SEPTIN9: variants seen among roughly 807,000 people sequenced by gnomAD.
SEPTIN9 encodes the protein septin 9, also known as septin-9.
SEPTIN9 carries 13 observed loss-of-function variants against 56.6 expected under a neutral mutation model. That is an observed-to-expected ratio of 0.23 (90% CI 0.15 to 0.37). The LOEUF (loss-of-function observed/expected upper bound fraction) is 0.37. Ranked by LOEUF, SEPTIN9 falls within the 10% of genes least tolerant of loss-of-function variation. The pLI, the probability that SEPTIN9 is intolerant of heterozygous loss-of-function variation, is 1.00. For synonymous variants in SEPTIN9, 332 were observed against 334.1 expected (o/e 0.99, Z 0.07); for missense variants, 650 against 823.1 (o/e 0.79, Z 2.57).
In SEPTIN9 at chr17:77,313,809, C is replaced by T. The variant is rs1299034506; in HGVS notation, c.76+6612C>T. 6.6e-6 allele frequency among the ~76,000 whole-genome samples: 1 copy of T among 152,024 alleles called. No homozygotes were observed. The highest frequency in any genetic ancestry group is 1.9e-4 in the East Asian group (1 of 5,186). On this transcript the variant is annotated intron_variant, in intron 2 of 11. Coordinates refer to ENST00000427177, the MANE Select transcript of SEPTIN9 (RefSeq NM_001113491.2). This position sits in a 1 kb window ranked among gnomAD's most constrained non-coding sequence, Gnocchi z 4.5. The stretch of plus-strand genomic sequence containing the variant: ...GCAGTGGCACAATTATAGCTCACTG[C>T]AGCCTCAACCTGCCAGGCTCAAGGG...
At chr17:77,474,822 T>C (rs77558513) in intron 3 of SEPTIN9, among the ~76,000 whole-genome samples, 2,753 of 152,278 alleles carry the variant, frequency 0.018, 71 homozygotes, top group African/African-American at 0.06. Flanking sequence ...GGCTACCTTA[T>C]AGGATTGTGT....
chr17:77,367,060 A>G lies in SEPTIN9; in HGVS notation c.77-34999A>G, dbSNP rs1290657087. ...CATGTGCTTCTTTGAGTGAAACCTTATGGTTGCATTGAAGCGGCCAGGCAG... is the reference window on the plus strand; with the variant it reads ...CATGTGCTTCTTTGAGTGAAACCTTGTGGTTGCATTGAAGCGGCCAGGCAG... On this transcript the variant is annotated intron_variant, in intron 2 of 11. Transcript: ENST00000427177. This position sits in a 1 kb window ranked among gnomAD's most constrained non-coding sequence, Gnocchi z 4.5. 2.0e-5 allele frequency among the ~76,000 whole-genome samples: 3 copies of G among 152,184 alleles called. No homozygotes were observed. The highest frequency in any genetic ancestry group is 7.2e-5 in the African/African-American group (3 of 41,448).
intron 3 of SEPTIN9, among the ~76,000 whole-genome samples, chr17:77,466,054 TCACACACACACA>T (rs10599395): frequency 0.026 from 3,324 of 127,434 alleles, 42 homozygotes; most frequent in Middle Eastern, 0.054. Context: ...TTCTGGACTG[TCACACACACACA>T]CACACACACA....
chr17:77,373,781 C>T, intron 2 of SEPTIN9: 6 of 705,422 alleles, frequency 8.5e-6, no homozygotes, highest in Non-Finnish European at 1.2e-5. Context: ...CCTGCGCGCC[C>T]TCACAGGACC....
At position 77,398,675 on chromosome 17, in the gene SEPTIN9, C is replaced by T. The variant is rs114135746; in HGVS notation, c.77-3384C>T. Reference sequence around the variant, plus strand: ...GAAGATGGACACCTCCGGAATGGGGCGCCTCCTGTTCTCACTGTTCTTCTA... The same window carrying T: ...GAAGATGGACACCTCCGGAATGGGGTGCCTCCTGTTCTCACTGTTCTTCTA... On this transcript the variant is annotated intron_variant, in intron 2 of 11. Transcript: ENST00000427177. Among the ~76,000 whole-genome samples the T allele has an allele frequency of 5.0e-3, 762 of 152,296 alleles. 5 individuals are homozygous for T. The highest frequency in any genetic ancestry group is 0.017 in the African/African-American group (725 of 41,560).
In SEPTIN9 at chr17:77,429,266, C is replaced by T. The variant is rs1373589186; in HGVS notation, c.721+26563C>T. The T allele has an allele frequency of 8.5e-6, 4 of 471,168 alleles. No homozygotes were observed. Among genetic ancestry groups the T allele is most frequent in the Non-Finnish European group, 1.3e-5 (3 of 227,200 alleles). The allele number at this position is 471,168 out of a possible 1,614,324, so 29.2% of individuals were successfully genotyped here. On this transcript the variant is annotated intron_variant, in intron 3 of 11. Transcript: ENST00000427177. The surrounding 1 kb of genome is among the most constrained non-coding windows in gnomAD (Gnocchi z 5.2). ...TCGTTGACCGTGACCTTGATCTGAC[C>T]GTAATTTTGATGGTGCCGATGCCGT...
At chr17:77,297,928 C>T (rs2031887100) in intron 1 of SEPTIN9, among the ~76,000 whole-genome samples, 1 of 152,140 alleles carries the variant, frequency 6.6e-6, no homozygotes, top group Non-Finnish European at 1.5e-5. Flanking sequence ...ATTGGGAAGA[C>T]AGGAAGGAGC....
Position 77,323,550 on chromosome 17 carries a change from C to T in SEPTIN9, c.76+16353C>T, listed in dbSNP as rs781752513. Among the ~76,000 whole-genome samples the T allele has an allele frequency of 5.9e-5, 9 of 152,256 alleles. No homozygotes were observed. Among genetic ancestry groups the T allele is most frequent in the Non-Finnish European group, 8.8e-5 (6 of 68,014 alleles). On this transcript the variant is annotated intron_variant, in intron 2 of 11. Transcript: ENST00000427177. The surrounding 1 kb of genome is among the most constrained non-coding windows in gnomAD (Gnocchi z 6.8). ...CCTGGAGGGGGCTTGGCCACGCTGT[C>T]GCTGGACGTCTGTCCCCACCAGGGT...
Position 77,451,095 on chromosome 17 carries a change from T to C in SEPTIN9, c.722-31049T>C, listed in dbSNP as rs1384172015. Reference sequence around the variant, plus strand: ...GGGGGCTCCTCACGGGCACCGCCTCTGGCAAGCACAGGGACAAGGGCAAGG... The same window carrying C: ...GGGGGCTCCTCACGGGCACCGCCTCCGGCAAGCACAGGGACAAGGGCAAGG... On this transcript the variant is annotated intron_variant, in intron 3 of 11. Transcript: ENST00000427177. The surrounding 1 kb of genome is among the most constrained non-coding windows in gnomAD (Gnocchi z 4.2). 2.6e-5 allele frequency: 4 copies of C among 155,134 alleles called. No homozygotes were observed. Among genetic ancestry groups the C allele is most frequent in the African/African-American group, 9.7e-5 (4 of 41,446 alleles). The allele number at this position is 155,134 out of a possible 1,614,324, so 9.6% of individuals were successfully genotyped here.
intron 11 of SEPTIN9, chr17:77,497,708 C>T: frequency 2.3e-6 from 1 of 425,920 alleles, no homozygotes; most frequent in African/African-American, 2.0e-5. Flanking sequence ...CGTGGGGCGT[C>T]TCCAGCTCCG....
intron 1 of SEPTIN9, among the ~76,000 whole-genome samples, chr17:77,296,544 GCAGA>G (rs760686685): frequency 6.6e-6 from 1 of 152,094 alleles, no homozygotes; most frequent in African/African-American, 2.4e-5. Context: ...ACACAGACAG[GCAGA>G]CAGACAGACA....
At chr17:77,368,353 C>T (rs1420706186) in intron 2 of SEPTIN9, among the ~76,000 whole-genome samples, 1 of 151,630 alleles carries the variant, frequency 6.6e-6, no homozygotes, top group African/African-American at 2.4e-5. Flanking sequence ...GCTCTGTCGC[C>T]CAGGCTGGAG....
In SEPTIN9 at chr17:77,495,104, C is replaced by T. The variant is rs573891707; in HGVS notation, c.1573+2028C>T. On this transcript the variant is annotated intron_variant, in intron 10 of 11. Transcript: ENST00000427177. ...GACGGGCCGGCGGCTTTGCTATGGGCGTGCCTCTGCTGCACCCTGGTGGCC... is the reference window on the plus strand; with the variant it reads ...GACGGGCCGGCGGCTTTGCTATGGGTGTGCCTCTGCTGCACCCTGGTGGCC... Among the ~76,000 whole-genome samples the T allele has an allele frequency of 6.6e-5, 10 of 152,274 alleles. No individual in the cohort carries two copies. The East Asian group carries it at 1.4e-3, about 21-fold the overall frequency.
At chr17:77,373,224 C>T (rs2034780698) in intron 2 of SEPTIN9, 1 of 1,114,918 alleles carries the variant, frequency 9.0e-7, no homozygotes. Flanking sequence ...GGCGGAGCAG[C>T]CAGTGCGAGA....
rs562992794 is a variant in SEPTIN9 at position 77,324,088 on chromosome 17, G to A, written c.76+16891G>A. Among the ~76,000 whole-genome samples, 76 of 152,284 alleles carry A rather than the reference G, an allele frequency of 5.0e-4. No homozygotes were observed. In the South Asian group the frequency reaches 5.6e-3, roughly 11 times the overall value. On this transcript the variant is annotated intron_variant, in intron 2 of 11. Coordinates refer to ENST00000427177, the MANE Select transcript of SEPTIN9 (RefSeq NM_001113491.2). ...CGAAACCCTTGGCGTTCCTTGGCTC[G>A]TGGCCACACCACTCGACCTCTGCCT...
intron 2 of SEPTIN9, among the ~76,000 whole-genome samples, chr17:77,348,294 G>GTTTTTTTTTTTTTTTTTTTTT (rs367934946): frequency 1.1e-5 from 1 of 89,752 alleles, no homozygotes; most frequent in African/African-American, 4.5e-5. Context: ...TTTAATTTAT[G>GTTTTTTTTTTTTTTTTTTTTT]TTTTTTTTTT....
rs983861855 is a variant in SEPTIN9, at chr17:77,451,878, T to G, written c.722-30266T>G. On this transcript the variant is annotated intron_variant, in intron 3 of 11. Transcript: ENST00000427177. The surrounding 1 kb of genome is among the most constrained non-coding windows in gnomAD (Gnocchi z 4.2). ...GTTTCCTTTTCGCAAGGGGTTTCCC[T>G]GGCTTCCAGGAGGGCCAGGAAGAAA... Among the ~76,000 whole-genome samples the G allele has an allele frequency of 2.6e-5, 4 of 152,232 alleles. No homozygotes were observed. The highest frequency in any genetic ancestry group is 7.2e-5 in the African/African-American group (3 of 41,454).
At chr17:77,460,673 T>C (rs2038429621) in intron 3 of SEPTIN9, among the ~76,000 whole-genome samples, 1 of 152,142 alleles carries the variant, frequency 6.6e-6, no homozygotes, top group African/African-American at 2.4e-5. Context: ...CATTTCCTCT[T>C]GGTCCTGTTG....
At chr17:77,282,076 A>G (rs2143466627) in intron 1 of SEPTIN9, among the ~76,000 whole-genome samples, 1 of 152,312 alleles carries the variant, frequency 6.6e-6, no homozygotes, top group Non-Finnish European at 1.5e-5. Flanking sequence ...TTTTGCGCTC[A>G]GGACGCCGCC....
Sources: allele counts gnomAD v4.1 joint callset (sites outside exome capture counted in the v4.1 genomes callset), GRCh38; gene constraint gnomAD v4.1.1; non-coding constraint Gnocchi (gnomAD v3.1); transcripts MANE v1.5; gene names NCBI Gene and HGNC (gene_info 2026-07-23, HGNC 2026-07-21).